HIVEP1: variants seen among roughly 807,000 people sequenced by gnomAD.
HIVEP1 encodes the protein zinc finger protein 40.
HIVEP1 carries 36 observed loss-of-function variants against 180.0 expected under a neutral mutation model. The ratio of observed to expected loss-of-function variants is 0.20; its 90% CI spans 0.15 to 0.26. The LOEUF is 0.26. Ranked by LOEUF, HIVEP1 falls within the 10% of genes least tolerant of loss-of-function variation. The pLI is 1.00. For missense variants in HIVEP1, 3,143 were observed against 3,268.7 expected (o/e 0.96, Z 0.94); for synonymous variants, 1,239 against 1,239.0 (o/e 1.00, Z 0.00).
chr6:12,035,940 G>A (rs1769252867), intron 2 of HIVEP1, among the ~76,000 whole-genome samples: 1 of 152,156 alleles, frequency 6.6e-6, no homozygotes, highest in Admixed American at 6.5e-5. Context: ...GGTACAATAG[G>A]TAAATGGACA....
chr6:12,022,242 C>G (rs991606721), intron 2 of HIVEP1, among the ~76,000 whole-genome samples: 2 of 151,934 alleles, frequency 1.3e-5, no homozygotes, highest in Admixed American at 1.3e-4. Flanking sequence ...ACGATCTTGG[C>G]TCACTGCAAC....
intron 7 of HIVEP1, among the ~76,000 whole-genome samples, chr6:12,143,027 C>T (rs993444800): frequency 6.6e-6 from 1 of 152,198 alleles, no homozygotes; most frequent in Non-Finnish European, 1.5e-5. Context: ...CTCCCTAACT[C>T]ATTTCATGAG....
chr6:12,092,418 T>C (rs1212591007), intron 3 of HIVEP1, among the ~76,000 whole-genome samples: 1 of 152,206 alleles, frequency 6.6e-6, no homozygotes. Flanking sequence ...TGTTGTAATA[T>C]TGCACTGTAT....
intron 2 of HIVEP1, among the ~76,000 whole-genome samples, chr6:12,017,637 G>A (rs560351964): frequency 7.2e-6 from 1 of 139,824 alleles, no homozygotes; most frequent in East Asian, 1.9e-4. Context: ...CTGTTTTACA[G>A]AGAGCTGATT....
intron 7 of HIVEP1, among the ~76,000 whole-genome samples, chr6:12,158,017 A>C (rs1443230367): frequency 6.6e-6 from 1 of 152,130 alleles, no homozygotes; most frequent in African/African-American, 2.4e-5. Context: ...GTTATTGTCT[A>C]CCTTTCCCTT....
intron 7 of HIVEP1, among the ~76,000 whole-genome samples, chr6:12,155,035 G>A (rs1759942407): frequency 6.6e-6 from 1 of 151,654 alleles, no homozygotes; most frequent in Admixed American, 6.6e-5. Context: ...AGTTTAGTTT[G>A]ATCTTCTTTT....
At chr6:12,131,603 A>G (rs1758420155) in intron 6 of HIVEP1, among the ~76,000 whole-genome samples, 1 of 151,566 alleles carries the variant, frequency 6.6e-6, no homozygotes. Context: ...TGCCCTGTAC[A>G]AGTTTCTTGA....
At chr6:12,165,573 A>C (rs1400699769), downstream of HIVEP1, among the ~76,000 whole-genome samples, 1 of 152,252 alleles carries the variant, frequency 6.6e-6, no homozygotes, top group Non-Finnish European at 1.5e-5. Context: ...AGGTTGAACC[A>C]TCCTTATTCA....
chr6:12,191,066 A>G, the HIVEP1 span, among the ~76,000 whole-genome samples: 1 of 152,230 alleles, frequency 6.6e-6, no homozygotes, highest in Non-Finnish European at 1.5e-5. Context: ...ATAAGAAAAA[A>G]AAACAGCACA....
intron 2 of HIVEP1, among the ~76,000 whole-genome samples, chr6:12,051,018 A>ATATATATATATATATATATGTG (rs1475506663): frequency 1.4e-5 from 2 of 138,404 alleles, no homozygotes; most frequent in African/African-American, 5.4e-5. Context: ...ATATATATAT[A>ATATATATATATATATATATGTG]TATATATATA....
At chr6:12,153,397 C>T (rs1759819152) in intron 7 of HIVEP1, among the ~76,000 whole-genome samples, 1 of 152,050 alleles carries the variant, frequency 6.6e-6, no homozygotes, top group Non-Finnish European at 1.5e-5. Context: ...CTGCATTTTT[C>T]ATCTTTTAAA....
intron 3 of HIVEP1, among the ~76,000 whole-genome samples, chr6:12,099,027 G>A (rs1227524906): frequency 6.6e-6 from 1 of 152,024 alleles, no homozygotes; most frequent in East Asian, 1.9e-4. Flanking sequence ...GGCAAGAAGA[G>A]GACTTAAAAG....
intron 2 of HIVEP1, among the ~76,000 whole-genome samples, chr6:12,086,038 A>G (rs1317664556): frequency 6.6e-6 from 1 of 152,108 alleles, no homozygotes; most frequent in South Asian, 2.1e-4. Flanking sequence ...GGTATCACAC[A>G]AGATAGTTCT....
chr6:12,074,022 C>CTG (rs1237674697), intron 2 of HIVEP1, among the ~76,000 whole-genome samples: 3 of 152,204 alleles, frequency 2.0e-5, no homozygotes. Context: ...ACCATGAGAG[C>CTG]TGTACATCAC....
At chr6:12,031,738 G>A (rs977349159) in intron 2 of HIVEP1, among the ~76,000 whole-genome samples, 1 of 152,154 alleles carries the variant, frequency 6.6e-6, no homozygotes, top group Non-Finnish European at 1.5e-5. Flanking sequence ...ACGTGTATAC[G>A]GCTTTGGGTG....
the HIVEP1 span, among the ~76,000 whole-genome samples, chr6:12,205,388 G>A: frequency 4.0e-5 from 6 of 151,878 alleles, no homozygotes; most frequent in Admixed American, 2.0e-4. Context: ...GGAGAACGGC[G>A]TGAACCCGGG....
At position 12,019,208 on chromosome 6, in the gene HIVEP1, C is replaced by T. The variant is rs568214021; in HGVS notation, c.40+3540C>T. 1.6e-4 allele frequency among the ~76,000 whole-genome samples: 25 copies of T among 152,186 alleles called. No individual in the cohort carries two copies. In the South Asian group the frequency reaches 4.8e-3, roughly 29 times the overall value. On this transcript the variant is annotated intron_variant, in intron 2 of 8. Transcript: ENST00000379388. ...GTGTAGCTCACTCAGCAGCGGGGGA[C>T]GGGAGTGAAGCTCTAGGTCCCCATG...
At chr6:12,152,863 C>T (rs1211656169) in intron 7 of HIVEP1, among the ~76,000 whole-genome samples, 3 of 152,096 alleles carry the variant, frequency 2.0e-5, no homozygotes, top group Non-Finnish European at 4.4e-5. Flanking sequence ...CCTGACCTGA[C>T]CTGAAATTTA....
At chr6:12,029,014 C>T (rs1236034774) in intron 2 of HIVEP1, among the ~76,000 whole-genome samples, 1 of 152,206 alleles carries the variant, frequency 6.6e-6, no homozygotes, top group African/African-American at 2.4e-5. Context: ...TGTGTCGTAG[C>T]ATGTATCAGG....
Sources: allele counts gnomAD v4.1 joint callset (sites outside exome capture counted in the v4.1 genomes callset), GRCh38; gene constraint gnomAD v4.1.1; transcripts MANE v1.5; gene names NCBI Gene and HGNC (gene_info 2026-07-23, HGNC 2026-07-21).